RCAN2: variants seen among roughly 807,000 people sequenced by gnomAD.
The protein encoded by RCAN2 is calcipressin-2.
RCAN2 carries 9 observed loss-of-function variants against 23.6 expected under a neutral mutation model. The observed-to-expected ratio is 0.38, with a 90% CI of 0.23 to 0.67. RCAN2 has a LOEUF of 0.67. Ranked by LOEUF, RCAN2 falls within the 30% of genes least tolerant of loss-of-function variation. RCAN2 has a pLI of 0.51. For synonymous variants in RCAN2, 109 were observed against 115.7 expected (o/e 0.94, Z 0.37); for missense variants, 273 against 302.3 (o/e 0.90, Z 0.72).
intron 4 of RCAN2, among the ~76,000 whole-genome samples, chr6:46,239,794 T>A (rs1766238498): frequency 6.6e-6 from 1 of 152,154 alleles, no homozygotes; most frequent in Non-Finnish European, 1.5e-5. Context: ...CATTTGCTTA[T>A]CTTCTGGAGG....
intron 2 of RCAN2, among the ~76,000 whole-genome samples, chr6:46,398,220 G>A (rs1421134916): frequency 1.3e-5 from 2 of 152,078 alleles, no homozygotes; most frequent in Non-Finnish European, 1.5e-5. Context: ...ATTTTTCTCT[G>A]TGTTATGGCA....
chr6:46,383,450 T>A (rs1765663165), intron 2 of RCAN2, among the ~76,000 whole-genome samples: 1 of 152,126 alleles, frequency 6.6e-6, no homozygotes, highest in Non-Finnish European at 1.5e-5. Flanking sequence ...TTTTCAAATC[T>A]TTCTTGTTGG....
rs531774192 is a variant in RCAN2 at position 46,460,263 on chromosome 6, T to C, written c.-2-3285A>G. Among the ~76,000 whole-genome samples, 91 of 152,320 alleles carry C rather than the reference T, an allele frequency of 6.0e-4. 1 individual carries two copies. In the South Asian group the frequency reaches 0.012, roughly 20 times the overall value. On this transcript the variant is annotated intron_variant, in intron 1 of 4. Transcript: ENST00000371374. ...TTTTTGTAGAGATGAGATCTTGCTATGTTGCCCAAACTGGTCTCCAACTCC... is the reference window on the plus strand; with the variant it reads ...TTTTTGTAGAGATGAGATCTTGCTACGTTGCCCAAACTGGTCTCCAACTCC...
chr6:46,463,342 C>A (rs1268158778), intron 1 of RCAN2, among the ~76,000 whole-genome samples: 1 of 152,122 alleles, frequency 6.6e-6, no homozygotes, highest in Non-Finnish European at 1.5e-5. Flanking sequence ...GAAGTCAAAC[C>A]AGAGAGAAAG....
Position 46,407,798 on chromosome 6 carries a change from T to G in RCAN2, c.225+48954A>C, listed in dbSNP as rs144169443. On this transcript the variant is annotated intron_variant, in intron 2 of 4. Transcript: ENST00000371374. ...CCAAACCTTAGCCTAAAGGTGAGAT[T>G]GCATAATTTTGCTATGCAGCAGACC... 6.3e-3 allele frequency among the ~76,000 whole-genome samples: 962 copies of G among 152,334 alleles called. 12 individuals are homozygous for G. The highest frequency in any genetic ancestry group is 0.022 in the African/African-American group (934 of 41,574).
Position 46,352,466 on chromosome 6 carries a change from T to C in RCAN2, c.226-103570A>G, listed in dbSNP as rs537951191. 3.3e-5 allele frequency among the ~76,000 whole-genome samples: 5 copies of C among 152,296 alleles called. No individual in the cohort carries two copies. In the South Asian group the frequency reaches 1.0e-3, roughly 32 times the overall value. On this transcript the variant is annotated intron_variant, in intron 2 of 4. Transcript: ENST00000371374. ...CTGAGACCAGAGCAGGAAAGTTATA[T>C]AATCAGAATCAGGAGGCTTCATCGG...
At chr6:46,386,143 GAATTTACAAGGAACT>G (rs1175028845) in intron 2 of RCAN2, among the ~76,000 whole-genome samples, 2 of 152,090 alleles carry the variant, frequency 1.3e-5, no homozygotes, top group African/African-American at 4.8e-5. Context: ...CTAATATCCA[GAATTTACAAGGAACT>G]TAAATAAATT....
intron 2 of RCAN2, among the ~76,000 whole-genome samples, chr6:46,279,503 T>C (rs988452900): frequency 6.6e-6 from 1 of 152,176 alleles, no homozygotes; most frequent in South Asian, 2.1e-4. Flanking sequence ...TCCCCCTAAT[T>C]GTGACAACGT....
At chr6:46,321,898 G>A (rs1010523507) in intron 2 of RCAN2, among the ~76,000 whole-genome samples, 2 of 152,204 alleles carry the variant, frequency 1.3e-5, no homozygotes, top group Non-Finnish European at 2.9e-5. Flanking sequence ...TGCTTAAGCA[G>A]AGCTTACTCT....
chr6:46,222,040 T>C lies in RCAN2; in HGVS notation c.*1101A>G. On this transcript the variant is annotated 3_prime_UTR_variant, in exon 5 of 5. Transcript: ENST00000371374. ...GGGATTTAGCTTCATCCCAATAATC[T>C]ACAACTGACACTTGCATCTTTATTT... 1 of 398,536 alleles carries C rather than the reference T, an allele frequency of 2.5e-6. No homozygotes were observed. The highest frequency in any genetic ancestry group is 4.4e-6 in the Non-Finnish European group (1 of 225,950). 24.7% of individuals were successfully genotyped at this position (398,536 alleles called of 1,614,324 possible). A position where few individuals can be genotyped will look rare whatever the true frequency, so the allele number is the denominator to read the frequency against.
chr6:46,385,780 C>T (rs953067082), intron 2 of RCAN2, among the ~76,000 whole-genome samples: 5 of 149,266 alleles, frequency 3.3e-5, no homozygotes, highest in Non-Finnish European at 1.5e-5. Context: ...TCGTTTGAAC[C>T]TGGGAGGCAG....
chr6:46,412,775 C>A (rs1327354989), intron 2 of RCAN2, among the ~76,000 whole-genome samples: 1 of 152,038 alleles, frequency 6.6e-6, no homozygotes, highest in African/African-American at 2.4e-5. Context: ...GGGAGGGAAG[C>A]CTGATGAGGA....
chr6:46,437,883 C>T (rs1767419263), intron 2 of RCAN2, among the ~76,000 whole-genome samples: 1 of 152,182 alleles, frequency 6.6e-6, no homozygotes, highest in African/African-American at 2.4e-5. Context: ...AAAGAACACC[C>T]TCTCTCCTCA....
intron 2 of RCAN2, among the ~76,000 whole-genome samples, chr6:46,317,816 C>T (rs540593029): frequency 8.5e-5 from 13 of 152,208 alleles, no homozygotes; most frequent in East Asian, 3.9e-4. Flanking sequence ...AGAGAGATTT[C>T]GATAGTGGAA....
intron 2 of RCAN2, among the ~76,000 whole-genome samples, chr6:46,292,411 G>T (rs1762588375): frequency 6.7e-6 from 1 of 149,098 alleles, no homozygotes; most frequent in African/African-American, 2.5e-5. Context: ...CCATATTCTT[G>T]GGAGTTGATT....
intron 1 of RCAN2, among the ~76,000 whole-genome samples, chr6:46,483,437 A>G (rs1182320846): frequency 6.6e-6 from 1 of 152,152 alleles, no homozygotes; most frequent in Non-Finnish European, 1.5e-5. Context: ...TGGGAAGGAA[A>G]TCTCCTCTCC....
chr6:46,435,617 T>C (rs1208829914), intron 2 of RCAN2, among the ~76,000 whole-genome samples: 1 of 152,272 alleles, frequency 6.6e-6, no homozygotes, highest in African/African-American at 2.4e-5. Context: ...CAGAGGAATG[T>C]ATCTTCTATT....
At position 46,368,294 on chromosome 6, in the gene RCAN2, C is replaced by G. The variant is rs190790241; in HGVS notation, c.225+88458G>C. ...GTTAGAATGATGATAGCTCTGTGTGCTTTACTGTTGCACTCTACCACCTTT... is the reference window on the plus strand; with the variant it reads ...GTTAGAATGATGATAGCTCTGTGTGGTTTACTGTTGCACTCTACCACCTTT... On this transcript the variant is annotated intron_variant, in intron 2 of 4. Coordinates refer to ENST00000371374, the MANE Select transcript of RCAN2 (RefSeq NM_001251974.2). 3.4e-3 allele frequency among the ~76,000 whole-genome samples: 512 copies of G among 152,300 alleles called. 3 individuals are homozygous for G. The highest frequency in any genetic ancestry group is 0.012 in the African/African-American group (480 of 41,556).
chr6:46,430,143 A>C (rs1205814693), intron 2 of RCAN2, among the ~76,000 whole-genome samples: 1 of 152,222 alleles, frequency 6.6e-6, no homozygotes, highest in Non-Finnish European at 1.5e-5. Flanking sequence ...AAATGCATTG[A>C]AGAACAGCAA....
Sources: allele counts gnomAD v4.1 joint callset (sites outside exome capture counted in the v4.1 genomes callset), GRCh38; gene constraint gnomAD v4.1.1; transcripts MANE v1.5; gene names NCBI Gene and HGNC (gene_info 2026-07-23, HGNC 2026-07-21).